ABCA3: variants seen among roughly 807,000 people sequenced by gnomAD.
ABCA3 encodes ATP binding cassette subfamily A member 3.
Under a neutral mutation model 172.8 loss-of-function variants are expected in ABCA3, and 88 were observed. The observed-to-expected ratio is 0.51, with a 90% CI of 0.43 to 0.61. The LOEUF (loss-of-function observed/expected upper bound fraction) is 0.61, where lower values mean the gene tolerates loss of function less well. Ranked by LOEUF, ABCA3 falls within the 20% of genes least tolerant of loss-of-function variation. The probability of loss-of-function intolerance (pLI) is 0.00; values close to 1 mark genes in which losing one functional copy is unlikely to be tolerated. For synonymous variants in ABCA3, 1,066 were observed against 983.8 expected (o/e 1.08, Z -1.56); for missense variants, 2,164 against 2,301.0 (o/e 0.94, Z 1.22).
At position 2,323,584 on chromosome 16, in the gene ABCA3, A is replaced by G. The variant is rs1596864627; in HGVS notation, c.552T>C (p.Leu184=). The G allele has an allele frequency of 1.2e-6, 2 of 1,614,182 alleles. No individual in the cohort carries two copies. Among genetic ancestry groups the G allele is most frequent in the Non-Finnish European group, 1.7e-6 (2 of 1,180,026 alleles). Residue 184 remains leucine (L), a synonymous_variant, in exon 7 of 33, where the codon CTT becomes CTC. Transcript: ENST00000301732. ...GTCCTGGGTTTGGGAAAAGCGGGAAAAGGGAAGTAGTGTGCCAGCCTTCTG... is the reference window on the plus strand; with the variant it reads ...GTCCTGGGTTTGGGAAAAGCGGGAAGAGGGAAGTAGTGTGCCAGCCTTCTG... ...KETEGWHTTS[L]FPLFPNPGPR...
chr16:2,322,013 C>T (rs567267566), intron 7 of ABCA3, among the ~76,000 whole-genome samples: 100 of 152,192 alleles, frequency 6.6e-4, no homozygotes, highest in Admixed American at 3.3e-3. Flanking sequence ...TCCTGGCCAA[C>T]GTGGTGAAAC....
chr16:2,328,466 A>G lies in ABCA3; in HGVS notation c.-40T>C, dbSNP rs756487823. 2.0e-6 allele frequency: 1 copy of G among 507,368 alleles called. No homozygotes were observed. The highest frequency in any genetic ancestry group is 1.9e-5 in the African/African-American group (1 of 51,872). The allele number at this position is 507,368 out of a possible 1,614,324, so 31.4% of individuals were successfully genotyped here. ...TGAGCTGCTAACCTGCTAGAGAAGT[A>G]GGTGGTCTGAGTAAGTTCAAGTAGG... On this transcript the variant is annotated 5_prime_UTR_variant, in exon 3 of 33. Coordinates refer to ENST00000301732, the MANE Select transcript of ABCA3 (RefSeq NM_001089.3).
At chr16:2,320,327 T>C (rs1184067068) in intron 7 of ABCA3, among the ~76,000 whole-genome samples, 2 of 151,090 alleles carry the variant, frequency 1.3e-5, no homozygotes, top group African/African-American at 4.9e-5. Context: ...CTGGATCTCC[T>C]GACCTCATGA....
At position 2,289,961 on chromosome 16, in the gene ABCA3, T is replaced by TCACACACACACACACA. The variant is rs3138606; in HGVS notation, c.2514-357_2514-342dup. 4.7e-3 allele frequency among the ~76,000 whole-genome samples: 648 copies of TCACACACACACACACA among 138,268 alleles called. 9 individuals carry two copies. Among genetic ancestry groups the TCACACACACACACACA allele is most frequent in the African/African-American group, 0.012 (439 of 35,722 alleles). The allele number at this position is 138,268 out of a possible 152,430, so 90.7% of individuals were successfully genotyped here. On this transcript the variant is annotated intron_variant, in intron 19 of 32. Coordinates refer to ENST00000301732, the MANE Select transcript of ABCA3 (RefSeq NM_001089.3). ...ATTTTTTAATATTATGTGAATTACATCACACACACACACACACACACACAC... is the reference window on the plus strand; with the variant it reads ...ATTTTTTAATATTATGTGAATTACATCACACACACACACACACACACACACACACACACACACACAC...
chr16:2,289,847 G>A (rs926840320), intron 19 of ABCA3, among the ~76,000 whole-genome samples: 1 of 152,076 alleles, frequency 6.6e-6, no homozygotes, highest in Non-Finnish European at 1.5e-5. Context: ...GGCTGATCTG[G>A]AACTCCTGAC....
At chr16:2,311,745 C>T (rs2093707065) in intron 10 of ABCA3, among the ~76,000 whole-genome samples, 1 of 152,200 alleles carries the variant, frequency 6.6e-6, no homozygotes. Flanking sequence ...TGCTCTTGAA[C>T]TCCTGACCTC....
At chr16:2,314,315 A>T (rs1277383327) in intron 10 of ABCA3, among the ~76,000 whole-genome samples, 1 of 152,216 alleles carries the variant, frequency 6.6e-6, no homozygotes, top group African/African-American at 2.4e-5. Context: ...TTCAGGCTAC[A>T]ACACAGATGA....
rs377155167 is a variant in ABCA3 at position 2,324,474 on chromosome 16, G to A, written c.377C>T (p.Ser126Leu). 3.1e-6 allele frequency: 5 copies of A among 1,610,380 alleles called. No individual in the cohort carries two copies. The highest frequency in any genetic ancestry group is 3.4e-6 in the Non-Finnish European group (4 of 1,179,910). The stretch of plus-strand genomic sequence containing the variant: ...GACCACGGCGGCCAGCACGCTGGAC[G>A]AGCAGTTGTCGTACCTAATGTAGTC... ...FEDYIRYDNCSSSVLAAVVFE... is the reference protein window; with the variant it reads ...FEDYIRYDNCLSSVLAAVVFE... The change falls in exon 6 of 33, where the codon TCG (serine) becomes TTG (leucine). Residue 126 changes from serine to leucine, a missense_variant. Transcript: ENST00000301732.
rs779027250 is a variant in ABCA3, at chr16:2,308,441, A to G, written c.1285+9T>C. The G allele has an allele frequency of 2.5e-6, 4 of 1,614,086 alleles. No homozygotes were observed. The highest frequency in any genetic ancestry group is 3.4e-6 in the Non-Finnish European group (4 of 1,179,966). ...CGGAAAGAACAGGCTGGACAAGGCA[A>G]ACACTCACCTTTCGCCTCAAATTTC... is the stretch of plus-strand genomic sequence containing the variant. On this transcript the variant is annotated intron_variant, in intron 11 of 32. Transcript: ENST00000301732.
At chr16:2,308,682 G>A in intron 10 of ABCA3, 59 bp from the exon 11 acceptor site, 1 of 1,600,658 alleles carries the variant, frequency 6.2e-7, no homozygotes, top group Non-Finnish European at 8.5e-7. Flanking sequence ...AGGGGCTTGG[G>A]CTCCCCGAGG....
chr16:2,316,685 A>C (rs536315816), intron 10 of ABCA3, among the ~76,000 whole-genome samples: 9 of 151,808 alleles, frequency 5.9e-5, no homozygotes, highest in East Asian at 1.9e-4. Flanking sequence ...GAAAAAAAAA[A>C]CAAAAAACTG....
At chr16:2,295,864 G>T in intron 17 of ABCA3, 124 bp from the exon 18 acceptor site, 1 of 1,313,454 alleles carries the variant, frequency 7.6e-7, no homozygotes, top group Non-Finnish European at 1.1e-6. Flanking sequence ...ACCGGAGGTG[G>T]GCAGCTGAAG....
Position 2,287,005 on chromosome 16 carries a change from G to C in ABCA3, c.3005-38C>G. 1.9e-6 allele frequency: 3 copies of C among 1,598,618 alleles called. No individual in the cohort carries two copies. The highest frequency in any genetic ancestry group is 2.6e-6 in the Non-Finnish European group (3 of 1,173,566). ...GGCAGAGTCAGGGGACACAGGAAGAGGTGACACCTGGGCACCCCCTGCCAC... is the reference window on the plus strand; with the variant it reads ...GGCAGAGTCAGGGGACACAGGAAGACGTGACACCTGGGCACCCCCTGCCAC... On this transcript the variant is annotated intron_variant, in intron 21 of 32. Coordinates refer to ENST00000301732, the MANE Select transcript of ABCA3 (RefSeq NM_001089.3). The surrounding 1 kb of genome is among the most constrained non-coding windows in gnomAD (Gnocchi z 4.1).
At chr16:2,313,576 G>C (rs961538621) in intron 10 of ABCA3, among the ~76,000 whole-genome samples, 1 of 138,838 alleles carries the variant, frequency 7.2e-6, no homozygotes. Flanking sequence ...AAAAAAAGAA[G>C]AAAGGGGGTT....
At chr16:2,305,893 G>A (rs540063532) in intron 11 of ABCA3, among the ~76,000 whole-genome samples, 1 of 152,080 alleles carries the variant, frequency 6.6e-6, no homozygotes, top group East Asian at 1.9e-4. Context: ...AATGGAGCTC[G>A]TGTTTCTCAT....
chr16:2,323,005 A>C (rs559926300), intron 7 of ABCA3, among the ~76,000 whole-genome samples: 1 of 152,200 alleles, frequency 6.6e-6, no homozygotes, highest in African/African-American at 2.4e-5. Context: ...GATATGAACA[A>C]ACACTTCTCA....
In ABCA3 at chr16:2,295,578, T is replaced by C; in HGVS notation, c.2414+12A>G. ...GATGTATACCTGTGCGTGCCCTCCCTGGGAGGCGTACCTGTGCGTGCTCTC... is the reference window on the plus strand; with the variant it reads ...GATGTATACCTGTGCGTGCCCTCCCCGGGAGGCGTACCTGTGCGTGCTCTC... On this transcript the variant is annotated intron_variant, in intron 18 of 32. Transcript: ENST00000301732. 6.2e-7 allele frequency: 1 copy of C among 1,611,686 alleles called. No individual in the cohort carries two copies.
In ABCA3 at chr16:2,297,569, T is replaced by C. The variant is rs1477172552; in HGVS notation, c.2053-30A>G. The C allele has an allele frequency of 6.2e-7, 1 of 1,609,414 alleles. No homozygotes were observed. The highest frequency in any genetic ancestry group is 1.1e-5 in the South Asian group (1 of 90,976). Reference sequence around the variant, plus strand: ...AGGGAGAGACACAGTCTCGCGACGCTGGTAGAGCCACACCCCGGGCCCAGG... The same window carrying C: ...AGGGAGAGACACAGTCTCGCGACGCCGGTAGAGCCACACCCCGGGCCCAGG... On this transcript the variant is annotated intron_variant, in intron 16 of 32. Coordinates refer to ENST00000301732, the MANE Select transcript of ABCA3 (RefSeq NM_001089.3). The surrounding 1 kb of genome is among the most constrained non-coding windows in gnomAD (Gnocchi z 5.6).
At chr16:2,332,671 C>T in intron 1 of ABCA3, 4 of 1,600,796 alleles carry the variant, frequency 2.5e-6, no homozygotes, top group South Asian at 1.1e-5. Context: ...GAGACCATTG[C>T]CGCGTTTGCA....
Sources: gnomAD v4.1 joint callset for allele counts (sites outside exome capture counted in the v4.1 genomes callset) on GRCh38, gnomAD v4.1.1 for gene constraint, Gnocchi (gnomAD v3.1) non-coding constraint, MANE v1.5 for transcripts, NCBI Gene and HGNC (gene_info 2026-07-23, HGNC 2026-07-21) for gene names.